Variants in CDH12 observed in about 807,000 individuals in gnomAD.
CDH12 encodes the protein cadherin 12, also known as cadherin-12.
Under a neutral mutation model 74.1 loss-of-function variants are expected in CDH12, and 41 were observed. The observed-to-expected ratio is 0.55, with a 90% CI of 0.43 to 0.72. The LOEUF is 0.72. CDH12 is among the 30% of genes least tolerant of loss of function. The pLI is 0.00. For missense variants in CDH12, 945 were observed against 977.2 expected (o/e 0.97, Z 0.44); for synonymous variants, 399 against 355.0 (o/e 1.12, Z -1.39).
intron 6 of CDH12, among the ~76,000 whole-genome samples, chr5:21,940,955 T>C (rs938902692): frequency 3.3e-5 from 5 of 152,156 alleles, no homozygotes. Flanking sequence ...ACCCACAATT[T>C]GTCGGTAAAC....
At chr5:22,629,260 A>T (rs925645056) in intron 1 of CDH12, among the ~76,000 whole-genome samples, 3 of 152,048 alleles carry the variant, frequency 2.0e-5, no homozygotes, top group African/African-American at 7.2e-5. Context: ...TGAGGTCACC[A>T]TCTTTCTGAT....
chr5:22,806,475 C>A (rs1301911291), intron 1 of CDH12, among the ~76,000 whole-genome samples: 1 of 151,686 alleles, frequency 6.6e-6, no homozygotes, highest in Non-Finnish European at 1.5e-5. Context: ...GCCTCAGCCT[C>A]CCGAGTAGCT....
chr5:22,634,976 A>ATTT (rs70959747), intron 1 of CDH12, among the ~76,000 whole-genome samples: 4 of 146,446 alleles, frequency 2.7e-5, no homozygotes, highest in Non-Finnish European at 4.5e-5. Context: ...TCACAGTTGG[A>ATTT]TTTTTTTTTT....
intron 10 of CDH12, among the ~76,000 whole-genome samples, chr5:21,787,582 G>A (rs570558030): frequency 6.6e-6 from 1 of 152,192 alleles, no homozygotes; most frequent in African/African-American, 2.4e-5. Flanking sequence ...CTTTATCGTG[G>A]TAGTCTGGAA....
At chr5:22,117,168 C>T (rs1474796810) in intron 4 of CDH12, among the ~76,000 whole-genome samples, 1 of 150,956 alleles carries the variant, frequency 6.6e-6, no homozygotes, top group African/African-American at 2.4e-5. Flanking sequence ...ACTCTAATTT[C>T]CATGCCACTG....
At chr5:22,187,342 T>C (rs1413566020) in intron 4 of CDH12, among the ~76,000 whole-genome samples, 1 of 152,198 alleles carries the variant, frequency 6.6e-6, no homozygotes, top group East Asian at 1.9e-4. Context: ...TGGAAAAGGC[T>C]GCAACAGGAA....
At chr5:22,718,136 T>C (rs994855670) in intron 1 of CDH12, among the ~76,000 whole-genome samples, 19 of 152,230 alleles carry the variant, frequency 1.2e-4, no homozygotes, top group African/African-American at 3.4e-4. Context: ...TGCTCAATTA[T>C]CATTTCCTGA....
intron 1 of CDH12, among the ~76,000 whole-genome samples, chr5:22,746,597 T>C (rs969003663): frequency 3.3e-5 from 5 of 152,200 alleles, no homozygotes; most frequent in African/African-American, 1.2e-4. Context: ...ACAGTACGTT[T>C]AGGATAAATG....
intron 11 of CDH12, among the ~76,000 whole-genome samples, chr5:21,775,105 C>T (rs1745516604): frequency 6.6e-6 from 1 of 152,056 alleles, no homozygotes; most frequent in Non-Finnish European, 1.5e-5. Context: ...TGAGGAAGGC[C>T]AGTAGAGAAG....
At chr5:22,538,600 C>T (rs939585223) in intron 1 of CDH12, among the ~76,000 whole-genome samples, 8 of 152,164 alleles carry the variant, frequency 5.3e-5, no homozygotes, top group Non-Finnish European at 1.2e-4. Flanking sequence ...TGGCAAGAGG[C>T]AAAAATCACA....
chr5:22,466,956 T>C (rs1016403450), intron 2 of CDH12, among the ~76,000 whole-genome samples: 1 of 151,546 alleles, frequency 6.6e-6, no homozygotes, highest in African/African-American at 2.4e-5. Context: ...GGCCTGCTAA[T>C]TTTTGTATTT....
intron 10 of CDH12, among the ~76,000 whole-genome samples, chr5:21,797,119 G>C (rs1390514266): frequency 6.6e-6 from 1 of 152,112 alleles, no homozygotes; most frequent in East Asian, 1.9e-4. Flanking sequence ...AAACCTGAGA[G>C]AACCTTTCTT....
chr5:21,836,353 TTA>T (rs1301760780), intron 8 of CDH12, among the ~76,000 whole-genome samples: 1 of 151,628 alleles, frequency 6.6e-6, no homozygotes, highest in Admixed American at 6.6e-5. Context: ...GTTGTTGTAT[TTA>T]TGAGTAAGAA....
chr5:22,095,511 C>A (rs867600058), intron 4 of CDH12, among the ~76,000 whole-genome samples: 2 of 152,022 alleles, frequency 1.3e-5, no homozygotes, highest in Non-Finnish European at 1.5e-5. Context: ...TCACCCTTAG[C>A]GGCAAGTACT....
At chr5:21,755,179 T>C (rs1443450278) in intron 14 of CDH12, among the ~76,000 whole-genome samples, 1 of 152,190 alleles carries the variant, frequency 6.6e-6, no homozygotes, top group Non-Finnish European at 1.5e-5. Flanking sequence ...TCATCAAGTA[T>C]ATTTTTTAAA....
intron 1 of CDH12, among the ~76,000 whole-genome samples, chr5:22,716,060 C>G (rs2126981857): frequency 6.6e-6 from 1 of 152,142 alleles, no homozygotes; most frequent in East Asian, 1.9e-4. Context: ...TTGCTTGAAC[C>G]TGGGAGGCAG....
intron 1 of CDH12, among the ~76,000 whole-genome samples, chr5:22,709,580 C>T (rs969153701): frequency 9.2e-5 from 14 of 152,128 alleles, no homozygotes; most frequent in African/African-American, 3.4e-4. Flanking sequence ...TATACATGGG[C>T]TATTTATAAA....
Position 21,973,158 on chromosome 5 carries a change from G to A in CDH12, c.526+1933C>T, listed in dbSNP as rs145510835. Among the ~76,000 whole-genome samples the A allele has an allele frequency of 7.6e-3, 1,147 of 151,868 alleles. 9 individuals carry two copies. Among genetic ancestry groups the A allele is most frequent in the African/African-American group, 0.026 (1,073 of 41,420 alleles). On this transcript the variant is annotated intron_variant, in intron 6 of 14. Transcript: ENST00000382254. ...GGAATTTAAGGCTTCAGTGAGCTAA[G>A]ACTGGGCCATTGCACTCCAGCCAGG...
At chr5:22,388,118 T>C (rs1028677295) in intron 3 of CDH12, among the ~76,000 whole-genome samples, 1 of 152,112 alleles carries the variant, frequency 6.6e-6, no homozygotes, top group Non-Finnish European at 1.5e-5. Flanking sequence ...AACAAAAACA[T>C]CGTGAAACTA....
Sources: allele counts gnomAD v4.1 joint callset (sites outside exome capture counted in the v4.1 genomes callset), GRCh38; gene constraint gnomAD v4.1.1; transcripts MANE v1.5; gene names NCBI Gene and HGNC (gene_info 2026-07-23, HGNC 2026-07-21).